The following SDK2 variants were observed in gnomAD, a reference collection of about 807,000 sequenced individuals.
SDK2 encodes the protein sidekick cell adhesion molecule 2, also known as protein sidekick-2.
In SDK2, 105 loss-of-function variants were observed where a neutral mutation model predicts 253.9. That is an observed-to-expected ratio of 0.41 (90% CI 0.35 to 0.49). SDK2 has a LOEUF of 0.49. Among genes scored for constraint, SDK2 ranks in the 20% least tolerant of loss-of-function variants. The pLI is 0.06. For synonymous variants in SDK2, 1,249 were observed against 1,234.9 expected (o/e 1.01, Z -0.24); for missense variants, 2,608 against 3,003.0 (o/e 0.87, Z 3.07).
chr17:73,414,554 G>A (rs1215103517), intron 18 of SDK2, 90 bp downstream of exon 18: 4 of 957,510 alleles, frequency 4.2e-6, no homozygotes, highest in Non-Finnish European at 5.0e-6. Context: ...AAACAGAGGG[G>A]GGATTTCCTC....
Position 73,379,521 on chromosome 17 carries a change from T to C in SDK2, c.4791A>G (p.Ile1597Met). 6.2e-7 allele frequency: 1 copy of C among 1,612,244 alleles called. No homozygotes were observed. Among genetic ancestry groups the C allele is most frequent in the Non-Finnish European group, 8.5e-7 (1 of 1,179,144 alleles). ...DNLNKHRRYE[I>M]RMSVYNAVGE... ...CCACAGCGTTGTACACGCTCATCCG[T>C]ATCTCGTACCGCCTGTGCTTGTTCA... The change falls in exon 35 of 45, where the codon ATA becomes ATG. Residue 1597 changes from isoleucine to methionine, a missense_variant. This residue lies in a region of SDK2 where 1,103 missense variants were observed against 1,143.9 expected (regional missense o/e 0.96). Transcript: ENST00000392650. The surrounding 1 kb of genome is among the most constrained non-coding windows in gnomAD (Gnocchi z 4.5).
intron 33 of SDK2, among the ~76,000 whole-genome samples, chr17:73,382,753 G>A (rs1244523644): frequency 6.6e-6 from 1 of 152,242 alleles, no homozygotes; most frequent in Non-Finnish European, 1.5e-5. Context: ...TGTAATCCCA[G>A]CACTCTGGGA....
intron 10 of SDK2, among the ~76,000 whole-genome samples, chr17:73,432,425 G>T (rs187380745): frequency 6.3e-4 from 96 of 152,280 alleles, no homozygotes; most frequent in Non-Finnish European, 1.2e-3. Context: ...ATGCGTGCAG[G>T]CACAGTGAAC....
intron 36 of SDK2, 146 bp from the exon 37 acceptor site, chr17:73,368,739 GT>G (rs2062708396): frequency 1.5e-6 from 1 of 680,644 alleles, no homozygotes; most frequent in African/African-American, 1.8e-5. Flanking sequence ...GCCGGGTGCG[GT>G]GGCTCACACC....
chr17:73,557,256 C>T (rs550424203), intron 1 of SDK2, among the ~76,000 whole-genome samples: 2 of 152,280 alleles, frequency 1.3e-5, no homozygotes, highest in East Asian at 1.9e-4. Context: ...ACAAGCTCGA[C>T]CTTGCCAAGG....
At chr17:73,385,773 G>T in intron 32 of SDK2, 74 bp downstream of exon 32, 1 of 1,379,862 alleles carries the variant, frequency 7.2e-7, no homozygotes, top group South Asian at 1.2e-5. Context: ...CCCTGGTGGG[G>T]ACTGCTGGCT....
In SDK2 at chr17:73,481,901, C is replaced by A. The variant is rs2063727175; in HGVS notation, c.225-9683G>T. 6.6e-6 allele frequency among the ~76,000 whole-genome samples: 1 copy of A among 152,200 alleles called. No individual in the cohort carries two copies. The highest frequency in any genetic ancestry group is 2.1e-4 in the South Asian group (1 of 4,824). ...CTCCATAACCACATGGGCCAAGTCC[C>A]ATAACGAACCTCGTGCATCTGTCTC... On this transcript the variant is annotated intron_variant, in intron 2 of 44. Coordinates refer to ENST00000392650, the MANE Select transcript of SDK2 (RefSeq NM_001144952.2). This position sits in a 1 kb window ranked among gnomAD's most constrained non-coding sequence, Gnocchi z 4.5.
At chr17:73,593,990 G>A (rs1208206152) in intron 1 of SDK2, among the ~76,000 whole-genome samples, 1 of 152,194 alleles carries the variant, frequency 6.6e-6, no homozygotes, top group Non-Finnish European at 1.5e-5. Context: ...TGTAACAGAA[G>A]GGAAAACAGA....
chr17:73,625,229 G>C (rs1016600390), intron 1 of SDK2, among the ~76,000 whole-genome samples: 1 of 152,166 alleles, frequency 6.6e-6, no homozygotes, highest in Non-Finnish European at 1.5e-5. Flanking sequence ...GGCGCGAGGC[G>C]GAATTCCACA....
intron 1 of SDK2, among the ~76,000 whole-genome samples, chr17:73,510,811 T>C (rs538878387): frequency 2.0e-5 from 3 of 152,334 alleles, no homozygotes; most frequent in South Asian, 4.1e-4. Context: ...GTTTCAATCA[T>C]GCATCTCTCC....
intron 1 of SDK2, among the ~76,000 whole-genome samples, chr17:73,593,429 T>C (rs2045712138): frequency 6.6e-6 from 1 of 152,100 alleles, no homozygotes; most frequent in Non-Finnish European, 1.5e-5. Context: ...GGAACAGAGA[T>C]GGGGTGTGGG....
chr17:73,472,074 A>T (rs2063655085), intron 3 of SDK2, 38 bp downstream of exon 3: 1 of 1,453,800 alleles, frequency 6.9e-7, no homozygotes, highest in Admixed American at 2.0e-5. Context: ...CTGGCACCAC[A>T]GTCGCCCCCC....
In SDK2 at chr17:73,570,351, C is replaced by G. The variant is rs906012659; in HGVS notation, c.65-62754G>C. Among the ~76,000 whole-genome samples, 7 of 152,316 alleles carry G rather than the reference C, an allele frequency of 4.6e-5. No individual in the cohort carries two copies. The highest frequency in any genetic ancestry group is 1.3e-4 in the Admixed American group (2 of 15,306). Reference sequence around the variant, plus strand: ...CTGTGAGCTCCTGGCTCTGTTTTCTCAAATCGCAGCAGAGCATATGCTCAA... The same window carrying G: ...CTGTGAGCTCCTGGCTCTGTTTTCTGAAATCGCAGCAGAGCATATGCTCAA... On this transcript the variant is annotated intron_variant, in intron 1 of 44. Transcript: ENST00000392650. This position sits in a 1 kb window ranked among gnomAD's most constrained non-coding sequence, Gnocchi z 4.2.
intron 1 of SDK2, among the ~76,000 whole-genome samples, chr17:73,621,964 T>C (rs1478501551): frequency 6.6e-6 from 1 of 152,214 alleles, no homozygotes; most frequent in Non-Finnish European, 1.5e-5. Context: ...CAACGACTCA[T>C]CATAGTCAAA....
intron 1 of SDK2, among the ~76,000 whole-genome samples, chr17:73,543,858 G>C (rs902011143): frequency 6.6e-6 from 1 of 152,248 alleles, no homozygotes; most frequent in Non-Finnish European, 1.5e-5. Context: ...AGTGCCTCCT[G>C]GGTGAGGCCA....
chr17:73,541,481 C>T lies in SDK2; in HGVS notation c.65-33884G>A, dbSNP rs2044868012. On this transcript the variant is annotated intron_variant, in intron 1 of 44. Coordinates refer to ENST00000392650, the MANE Select transcript of SDK2 (RefSeq NM_001144952.2). The surrounding 1 kb of genome is among the most constrained non-coding windows in gnomAD (Gnocchi z 4.3). Reference sequence around the variant, plus strand: ...CTCAACATCCTCACCTCTATCTTAGCAGGGCAATACCGCACCACCCCCATT... The same window carrying T: ...CTCAACATCCTCACCTCTATCTTAGTAGGGCAATACCGCACCACCCCCATT... 6.6e-6 allele frequency among the ~76,000 whole-genome samples: 1 copy of T among 152,090 alleles called. No individual in the cohort carries two copies. The highest frequency in any genetic ancestry group is 6.5e-5 in the Admixed American group (1 of 15,272).
In SDK2 at chr17:73,477,150, C is replaced by T. The variant is rs371746089; in HGVS notation, c.225-4932G>A. 4.6e-5 allele frequency among the ~76,000 whole-genome samples: 7 copies of T among 152,302 alleles called. No homozygotes were observed. In the South Asian group the frequency reaches 1.2e-3, roughly 27 times the overall value. On this transcript the variant is annotated intron_variant, in intron 2 of 44. Transcript: ENST00000392650. ...CCAGCTTCTCGGTTTGTGAGTCCAG[C>T]GCACTGTAAGCACCTCCGATAATGA...
chr17:73,447,996 G>T lies in SDK2; in HGVS notation c.480-248C>A, dbSNP rs1298971472. ...AGAGACAGCACGTTCATGCCCAGAC[G>T]CCGAGGCCACCCAAAGGAAGCTTCC... On this transcript the variant is annotated intron_variant, in intron 4 of 44. Coordinates refer to ENST00000392650, the MANE Select transcript of SDK2 (RefSeq NM_001144952.2). The surrounding 1 kb of genome is among the most constrained non-coding windows in gnomAD (Gnocchi z 4.0). 6.6e-6 allele frequency among the ~76,000 whole-genome samples: 1 copy of T among 152,036 alleles called. No homozygotes were observed. Among genetic ancestry groups the T allele is most frequent in the African/African-American group, 2.4e-5 (1 of 41,394 alleles).
intron 37 of SDK2, 92 bp from the exon 38 acceptor site, chr17:73,365,487 T>G: frequency 7.3e-7 from 1 of 1,362,976 alleles, no homozygotes; most frequent in Non-Finnish European, 9.8e-7. Flanking sequence ...GAGTATTGGG[T>G]CTGAGCCCGG....
Sources: gnomAD v4.1 joint callset for allele counts (sites outside exome capture counted in the v4.1 genomes callset) on GRCh38, gnomAD v4.1.1 for gene constraint, gnomAD v4.1.1 regional missense constraint, Gnocchi (gnomAD v3.1) non-coding constraint, MANE v1.5 for transcripts, NCBI Gene and HGNC (gene_info 2026-07-23, HGNC 2026-07-21) for gene names.